GRID2: variants seen among roughly 807,000 people sequenced by gnomAD.
GRID2 encodes the protein glutamate receptor ionotropic, delta-2.
GRID2 carries 33 observed loss-of-function variants against 114.8 expected under a neutral mutation model. The ratio of observed to expected loss-of-function variants is 0.29; its 90% CI spans 0.22 to 0.38. The LOEUF is 0.38. GRID2 is among the 10% of genes least tolerant of loss of function. The pLI is 1.00. For missense variants in GRID2, 1,184 were observed against 1,257.7 expected, an observed-to-expected ratio of 0.94 and a Z score of 0.89; for synonymous variants, 505 against 449.9, an observed-to-expected ratio of 1.12 and a Z score of -1.55.
At chr4:92,339,998 A>G (rs1363823045) in intron 1 of GRID2, among the ~76,000 whole-genome samples, 3 of 152,148 alleles carry the variant, frequency 2.0e-5, no homozygotes, top group Non-Finnish European at 4.4e-5. Flanking sequence ...TGGTTGTGGC[A>G]TTTTCTTGAA....
chr4:92,462,487 C>T (rs981540880), intron 1 of GRID2, among the ~76,000 whole-genome samples: 1 of 151,558 alleles, frequency 6.6e-6, no homozygotes, highest in African/African-American at 2.4e-5. Context: ...TATATTTTGC[C>T]TTGAAAATAA....
chr4:93,329,762 G>T (rs1758232792), intron 8 of GRID2, among the ~76,000 whole-genome samples: 2 of 152,062 alleles, frequency 1.3e-5, no homozygotes, highest in African/African-American at 2.4e-5. Flanking sequence ...ACAGAAAATG[G>T]TGGCTACTAA....
intron 2 of GRID2, among the ~76,000 whole-genome samples, chr4:92,666,969 C>G (rs977518257): frequency 2.0e-5 from 3 of 151,378 alleles, no homozygotes; most frequent in Non-Finnish European, 4.4e-5. Context: ...CACACAGCCC[C>G]AATGTTAGAG....
intron 8 of GRID2, among the ~76,000 whole-genome samples, chr4:93,312,970 G>C (rs1053457373): frequency 1.3e-5 from 2 of 152,082 alleles, no homozygotes; most frequent in African/African-American, 4.8e-5. Context: ...TTTTTCAAAC[G>C]TATTTTATAG....
intron 2 of GRID2, among the ~76,000 whole-genome samples, chr4:92,962,035 CG>C: frequency 6.6e-6 from 1 of 151,814 alleles, no homozygotes; most frequent in Non-Finnish European, 1.5e-5. Flanking sequence ...TGAGAATTTC[CG>C]TCTCTCTGCC....
At chr4:92,563,885 A>C (rs566414948) in intron 1 of GRID2, among the ~76,000 whole-genome samples, 2 of 152,158 alleles carry the variant, frequency 1.3e-5, no homozygotes, top group African/African-American at 4.8e-5. Flanking sequence ...CGCACTCCAT[A>C]CATTATCTAC....
chr4:92,497,051 C>A (rs906362712), intron 1 of GRID2, among the ~76,000 whole-genome samples: 1 of 151,370 alleles, frequency 6.6e-6, no homozygotes, highest in Non-Finnish European at 1.5e-5. Flanking sequence ...TTTCTTTAGT[C>A]CTTAGTTCAA....
chr4:92,598,882 A>G (rs1036031888), intron 2 of GRID2, among the ~76,000 whole-genome samples: 1 of 152,040 alleles, frequency 6.6e-6, no homozygotes, highest in East Asian at 1.9e-4. Context: ...AACATATTCT[A>G]GTACTTTTAT....
downstream of GRID2, chr4:93,810,260 A>T (rs1333124914): frequency 6.6e-6 from 1 of 152,158 alleles, no homozygotes; most frequent in Non-Finnish European, 1.5e-5. Flanking sequence ...CCAAGCAGAA[A>T]ACTCTTCCTT....
chr4:92,559,521 G>A (rs974391570), intron 1 of GRID2, among the ~76,000 whole-genome samples: 1 of 152,076 alleles, frequency 6.6e-6, no homozygotes, highest in Non-Finnish European at 1.5e-5. Context: ...TTGGATTTTG[G>A]AGTTCTGGAT....
intron 4 of GRID2, among the ~76,000 whole-genome samples, chr4:93,142,493 C>T (rs1368072672): frequency 3.3e-5 from 5 of 151,986 alleles, no homozygotes; most frequent in Admixed American, 6.6e-5. Context: ...TACACTACAC[C>T]AAATAATGAG....
rs1010237593 is a variant in GRID2, at chr4:93,021,649, ATTAT to A, written c.245-63341_245-63338del. On this transcript the variant is annotated intron_variant, in intron 2 of 15. Transcript: ENST00000282020. ...ATATTATCACTATATTATAAATATA[ATTAT>A]TTATAATATGTATACTATAAATATA... 1.4e-4 allele frequency among the ~76,000 whole-genome samples: 21 copies of A among 145,086 alleles called. No homozygotes were observed. In the South Asian group the frequency reaches 2.1e-3, roughly 15 times the overall value.
intron 8 of GRID2, among the ~76,000 whole-genome samples, chr4:93,238,912 T>C (rs1283981190): frequency 2.6e-5 from 4 of 151,356 alleles, no homozygotes; most frequent in Admixed American, 2.0e-4. Context: ...GACATTACAG[T>C]ATTTTACCTT....
chr4:93,108,845 G>A (rs573678776), intron 3 of GRID2, among the ~76,000 whole-genome samples: 18 of 152,036 alleles, frequency 1.2e-4, no homozygotes, highest in African/African-American at 4.3e-4. Flanking sequence ...TGGCCAGGCT[G>A]GTCTCAAGCT....
intron 8 of GRID2, among the ~76,000 whole-genome samples, chr4:93,336,596 C>T (rs1344405348): frequency 6.6e-6 from 1 of 152,176 alleles, no homozygotes; most frequent in Non-Finnish European, 1.5e-5. Context: ...GTATGAGCAT[C>T]TGCAAATTCC....
chr4:93,158,842 G>T (rs1331490399), intron 4 of GRID2, among the ~76,000 whole-genome samples: 1 of 151,588 alleles, frequency 6.6e-6, no homozygotes, highest in Non-Finnish European at 1.5e-5. Flanking sequence ...AACAATAAAT[G>T]ACTTTATAAG....
intron 6 of GRID2, among the ~76,000 whole-genome samples, chr4:93,224,151 T>G (rs144209319): frequency 2.6e-5 from 4 of 152,296 alleles, no homozygotes; most frequent in African/African-American, 9.6e-5. Flanking sequence ...ACTACTTCTT[T>G]TTTAGGTACC....
chr4:93,069,298 A>G (rs1056475457), intron 2 of GRID2, among the ~76,000 whole-genome samples: 1 of 151,742 alleles, frequency 6.6e-6, no homozygotes, highest in African/African-American at 2.4e-5. Context: ...ATGTATATAT[A>G]TATGCATGTG....
At chr4:93,243,619 A>G (rs1014221066) in intron 8 of GRID2, among the ~76,000 whole-genome samples, 3 of 152,082 alleles carry the variant, frequency 2.0e-5, no homozygotes, top group Middle Eastern at 3.2e-3. Context: ...GTGATGTACC[A>G]AGGATTCATA....
Sources: allele counts gnomAD v4.1 joint callset (sites outside exome capture counted in the v4.1 genomes callset), GRCh38; gene constraint gnomAD v4.1.1; transcripts MANE v1.5; gene names NCBI Gene and HGNC (gene_info 2026-07-23, HGNC 2026-07-21).